The following KCND3 variants were observed in gnomAD, a reference collection of about 807,000 sequenced individuals.
The protein encoded by KCND3 is A-type voltage-gated potassium channel KCND3.
In KCND3, 9 loss-of-function variants were observed where a neutral mutation model predicts 51.1. The ratio of observed to expected loss-of-function variants is 0.18; its 90% CI spans 0.11 to 0.31. The LOEUF is 0.31. Among genes scored for constraint, KCND3 ranks in the 10% least tolerant of loss-of-function variants. The probability of loss-of-function intolerance (pLI) is 1.00; values close to 1 mark genes in which losing one functional copy is unlikely to be tolerated. For missense variants in KCND3, 526 were observed against 903.8 expected (o/e 0.58, Z 5.36); for synonymous variants, 349 against 368.0 (o/e 0.95, Z 0.59).
intron 2 of KCND3, among the ~76,000 whole-genome samples, chr1:111,866,263 C>CTTTTTTTTTTTTTTTTTTT (rs11399761): frequency 1.7e-4 from 9 of 54,256 alleles, no homozygotes; most frequent in African/African-American, 3.7e-4. Context: ...CTTTTCTTTT[C>CTTTTTTTTTTTTTTTTTTT]TTTTTTTTTT....
chr1:111,902,987 C>T (rs1399950798), intron 2 of KCND3, among the ~76,000 whole-genome samples: 2 of 152,180 alleles, frequency 1.3e-5, no homozygotes, highest in African/African-American at 2.4e-5. Context: ...AGTCAACATA[C>T]ATGTGTAAGT....
chr1:111,837,947 G>T (rs1038834207), intron 2 of KCND3, among the ~76,000 whole-genome samples: 2 of 152,054 alleles, frequency 1.3e-5, no homozygotes, highest in African/African-American at 4.8e-5. Context: ...GGGTGTTTTG[G>T]GGGGAGACCA....
chr1:111,821,868 G>A (rs868034834), intron 2 of KCND3, among the ~76,000 whole-genome samples: 2 of 152,270 alleles, frequency 1.3e-5, no homozygotes, highest in African/African-American at 4.8e-5. Flanking sequence ...CTGAGGGTGT[G>A]TGTGTGTGCT....
At chr1:111,835,009 G>C (rs1667007057) in intron 2 of KCND3, among the ~76,000 whole-genome samples, 2 of 152,162 alleles carry the variant, frequency 1.3e-5, no homozygotes, top group African/African-American at 2.4e-5. Flanking sequence ...GGATCCCTGG[G>C]GCTTGGAGGG....
At chr1:111,805,494 A>G (rs911661941) in intron 2 of KCND3, among the ~76,000 whole-genome samples, 4 of 152,250 alleles carry the variant, frequency 2.6e-5, no homozygotes, top group African/African-American at 9.6e-5. Flanking sequence ...TCAGACTGAC[A>G]CATACCCTGT....
chr1:111,844,868 C>G (rs149514341), intron 2 of KCND3, among the ~76,000 whole-genome samples: 221 of 152,294 alleles, frequency 1.5e-3, no homozygotes, highest in Non-Finnish European at 2.6e-3. Context: ...GGACTTTGTT[C>G]CAGCAATTGT....
intron 2 of KCND3, among the ~76,000 whole-genome samples, chr1:111,833,675 G>A (rs546266429): frequency 5.8e-4 from 88 of 152,276 alleles, no homozygotes; most frequent in Non-Finnish European, 8.7e-4. Flanking sequence ...GCCCATATAC[G>A]AAGGCCAGAA....
chr1:111,814,010 T>C (rs1665973000), intron 2 of KCND3, among the ~76,000 whole-genome samples: 1 of 152,220 alleles, frequency 6.6e-6, no homozygotes, highest in Non-Finnish European at 1.5e-5. Context: ...ATTTGCTGAA[T>C]GCATCAGTCA....
intron 2 of KCND3, among the ~76,000 whole-genome samples, chr1:111,830,955 G>T (rs745502010): frequency 1.3e-5 from 2 of 152,194 alleles, no homozygotes; most frequent in Non-Finnish European, 2.9e-5. Flanking sequence ...GAACTGCTTT[G>T]TTAAACTAGA....
intron 2 of KCND3, among the ~76,000 whole-genome samples, chr1:111,793,835 G>GA (rs11388262): frequency 0.071 from 10,645 of 150,970 alleles, 557 homozygotes; most frequent in African/African-American, 0.14. Flanking sequence ...TCATGGCTTA[G>GA]AAAAAAAAAA....
intron 2 of KCND3, among the ~76,000 whole-genome samples, chr1:111,837,256 CAGTCTTT>C (rs1667106819): frequency 6.6e-6 from 1 of 152,148 alleles, no homozygotes; most frequent in South Asian, 2.1e-4. Flanking sequence ...TTCCCAGGCC[CAGTCTTT>C]TCTCTGCAGT....
chr1:111,832,710 G>A (rs561733843), intron 2 of KCND3, among the ~76,000 whole-genome samples: 33 of 152,304 alleles, frequency 2.2e-4, no homozygotes, highest in African/African-American at 6.3e-4. Context: ...GAATGCAGTG[G>A]CAGAATGATA....
intron 2 of KCND3, among the ~76,000 whole-genome samples, chr1:111,804,145 C>T (rs527543411): frequency 2.1e-4 from 32 of 152,372 alleles, no homozygotes; most frequent in African/African-American, 6.0e-4. Flanking sequence ...CGTCCCCCAA[C>T]CCCTGCTGCT....
intron 2 of KCND3, among the ~76,000 whole-genome samples, chr1:111,831,412 C>T (rs1156530744): frequency 2.0e-5 from 3 of 152,208 alleles, no homozygotes; most frequent in Admixed American, 6.5e-5. Flanking sequence ...TAGCACCTCC[C>T]CCAACCTCTT....
At chr1:111,911,577 C>T (rs141477465) in intron 2 of KCND3, among the ~76,000 whole-genome samples, 138 of 152,288 alleles carry the variant, frequency 9.1e-4, no homozygotes, top group African/African-American at 2.8e-3. Context: ...GTGAACAACA[C>T]AGACTTAGTG....
chr1:111,814,502 C>T (rs1176799177), intron 2 of KCND3, among the ~76,000 whole-genome samples: 11 of 152,354 alleles, frequency 7.2e-5, no homozygotes, highest in East Asian at 3.9e-4. Context: ...TAACTTAGCA[C>T]GAGCTCTGCG....
At chr1:111,942,303 C>T (rs1672561168) in intron 2 of KCND3, among the ~76,000 whole-genome samples, 1 of 152,212 alleles carries the variant, frequency 6.6e-6, no homozygotes, top group Non-Finnish European at 1.5e-5. Context: ...CCCTGTGGGG[C>T]TTGCACTTTT....
At chr1:111,799,154 A>G (rs1161293657) in intron 2 of KCND3, among the ~76,000 whole-genome samples, 1 of 152,204 alleles carries the variant, frequency 6.6e-6, no homozygotes, top group Non-Finnish European at 1.5e-5. Flanking sequence ...CCAGAGGTAA[A>G]CATTCTTAAC....
chr1:111,906,441 A>G (rs1329474650), intron 2 of KCND3, among the ~76,000 whole-genome samples: 2 of 152,098 alleles, frequency 1.3e-5, no homozygotes, highest in Admixed American at 1.3e-4. Context: ...ATCCTTTCTG[A>G]CCTCCTGCCA....
Sources: gnomAD v4.1 joint callset for allele counts (sites outside exome capture counted in the v4.1 genomes callset) on GRCh38, gnomAD v4.1.1 for gene constraint, MANE v1.5 for transcripts, NCBI Gene and HGNC (gene_info 2026-07-23, HGNC 2026-07-21) for gene names.